The following NUBPL variants were observed in gnomAD, a reference collection of about 807,000 sequenced individuals.
NUBPL encodes iron-sulfur cluster transfer protein NUBPL.
A neutral mutation model predicts 45.7 loss-of-function variants in NUBPL; 31 were observed. That is an observed-to-expected ratio of 0.68 (90% CI 0.51 to 0.92). NUBPL has a LOEUF of 0.92. NUBPL is among the 40% of genes least tolerant of loss of function. The pLI is 0.00. For synonymous variants in NUBPL, 144 were observed against 140.9 expected, an observed-to-expected ratio of 1.02 and a Z score of -0.15; for missense variants, 401 against 398.7, an observed-to-expected ratio of 1.01 and a Z score of -0.05.
In NUBPL at chr14:31,637,676, G is replaced by A. The variant is rs565495165; in HGVS notation, c.383-35679G>A. Among the ~76,000 whole-genome samples the A allele has an allele frequency of 7.9e-4, 120 of 152,300 alleles. 4 individuals carry two copies. The South Asian group carries it at 0.023, about 30-fold the overall frequency. On this transcript the variant is annotated intron_variant, in intron 4 of 10. Coordinates refer to ENST00000281081, the MANE Select transcript of NUBPL (RefSeq NM_025152.3). ...TTTCTGTCTCATTGATCTGTCTAAT[G>A]TTGACAGTGGGAAGTTAGAGTCTCC...
chr14:31,715,654 A>G (rs2037671216), intron 6 of NUBPL, among the ~76,000 whole-genome samples: 2 of 152,248 alleles, frequency 1.3e-5, no homozygotes, highest in African/African-American at 2.4e-5. Context: ...GCCCCTGTGT[A>G]GGGCACTTAC....
At chr14:31,834,254 C>G (rs771452699) in intron 8 of NUBPL, among the ~76,000 whole-genome samples, 1 of 136,668 alleles carries the variant, frequency 7.3e-6, no homozygotes, top group Non-Finnish European at 1.5e-5. Flanking sequence ...AATCTTGGCT[C>G]ACTGCAACCT....
intron 4 of NUBPL, among the ~76,000 whole-genome samples, chr14:31,620,962 C>T (rs1023430565): frequency 6.6e-5 from 10 of 152,208 alleles, no homozygotes; most frequent in African/African-American, 2.2e-4. Flanking sequence ...TGCTGCCTTT[C>T]TTTCAGAGAT....
rs1028055970 is a variant in NUBPL, at chr14:31,860,361, A to G, written c.*1181A>G. ...AGATGCAATATTTAGCATTTCCTCA[A>G]ACTTTTTTTGGCCATGAAATCCACC... On this transcript the variant is annotated 3_prime_UTR_variant, in exon 11 of 11. Transcript: ENST00000281081. 2.0e-5 allele frequency: 3 copies of G among 151,096 alleles called. No homozygotes were observed. The South Asian group carries it at 6.3e-4, about 32-fold the overall frequency. The allele number at this position is 151,096 out of a possible 1,614,324, so 9.4% of individuals were successfully genotyped here.
intron 3 of NUBPL, among the ~76,000 whole-genome samples, chr14:31,583,188 G>A (rs1017487387): frequency 2.6e-5 from 4 of 152,164 alleles, no homozygotes; most frequent in African/African-American, 9.7e-5. Context: ...TATAACATAG[G>A]CAGTAGTAAA....
chr14:31,701,244 T>C, intron 6 of NUBPL, among the ~76,000 whole-genome samples: 1 of 151,734 alleles, frequency 6.6e-6, no homozygotes, highest in Non-Finnish European at 1.5e-5. Flanking sequence ...CAGTGCTCTG[T>C]ATCTAGCTCA....
intron 8 of NUBPL, among the ~76,000 whole-genome samples, chr14:31,829,484 G>T (rs1291154646): frequency 2.6e-5 from 4 of 152,150 alleles, no homozygotes; most frequent in African/African-American, 9.7e-5. Context: ...GCTATGAGTG[G>T]GAAGTGGATT....
chr14:31,570,255 A>G (rs11626320), intron 3 of NUBPL, among the ~76,000 whole-genome samples: 45,933 of 152,050 alleles, frequency 0.3, 7,671 homozygotes, highest in South Asian at 0.41. Flanking sequence ...TATATAGTTG[A>G]AATTGGTTTA....
At chr14:31,757,771 A>G (rs972817434) in intron 6 of NUBPL, among the ~76,000 whole-genome samples, 22 of 152,282 alleles carry the variant, frequency 1.4e-4, no homozygotes, top group Non-Finnish European at 2.6e-4. Flanking sequence ...TGTAAAACAA[A>G]ACAGAAGCCA....
At chr14:31,839,569 G>C (rs1018185955) in intron 8 of NUBPL, among the ~76,000 whole-genome samples, 17 of 152,048 alleles carry the variant, frequency 1.1e-4, no homozygotes, top group Non-Finnish European at 1.8e-4. Context: ...TATTTTTCTG[G>C]ATAGACAAAA....
intron 7 of NUBPL, among the ~76,000 whole-genome samples, chr14:31,793,830 T>TTTTC (rs992868777): frequency 7.6e-6 from 1 of 131,632 alleles, no homozygotes; most frequent in Non-Finnish European, 1.5e-5. Flanking sequence ...TTATCTTTCT[T>TTTTC]TTTTTTTTTT....
intron 6 of NUBPL, among the ~76,000 whole-genome samples, chr14:31,757,443 T>C (rs146068339): frequency 0.011 from 1,625 of 152,058 alleles, 28 homozygotes; most frequent in African/African-American, 0.037. Flanking sequence ...GGTGTATATG[T>C]TGAGGAATTT....
At chr14:31,602,956 G>C (rs1039921918) in intron 4 of NUBPL, among the ~76,000 whole-genome samples, 1 of 152,012 alleles carries the variant, frequency 6.6e-6, no homozygotes, top group Non-Finnish European at 1.5e-5. Context: ...TACTGCTGTT[G>C]TTATTGCATT....
At chr14:31,696,841 A>G (rs1339486285) in intron 6 of NUBPL, among the ~76,000 whole-genome samples, 1 of 152,242 alleles carries the variant, frequency 6.6e-6, no homozygotes, top group East Asian at 1.9e-4. Context: ...ATAAAAGTTT[A>G]ACAACAGATT....
intron 4 of NUBPL, among the ~76,000 whole-genome samples, chr14:31,611,562 A>T (rs899881886): frequency 1.3e-5 from 2 of 152,228 alleles, no homozygotes; most frequent in African/African-American, 4.8e-5. Flanking sequence ...ATGGAAATAG[A>T]AAAACAATTC....
chr14:31,581,314 C>A (rs768429866), intron 3 of NUBPL, among the ~76,000 whole-genome samples: 2 of 149,092 alleles, frequency 1.3e-5, no homozygotes, highest in Non-Finnish European at 3.0e-5. Flanking sequence ...CGTTGTGTAA[C>A]CATCCTCACT....
chr14:31,608,811 G>A (rs2034673725), intron 4 of NUBPL, among the ~76,000 whole-genome samples: 1 of 152,122 alleles, frequency 6.6e-6, no homozygotes, highest in Non-Finnish European at 1.5e-5. Flanking sequence ...CTGCTGTGTG[G>A]CCCAGTTTCT....
intron 3 of NUBPL, among the ~76,000 whole-genome samples, chr14:31,591,010 A>G (rs2034127768): frequency 6.6e-6 from 1 of 151,334 alleles, no homozygotes; most frequent in African/African-American, 2.5e-5. Flanking sequence ...TTCTTGTTAA[A>G]GAAGAAGTTG....
chr14:31,638,411 T>G (rs1399015890), intron 4 of NUBPL, among the ~76,000 whole-genome samples: 1 of 151,874 alleles, frequency 6.6e-6, no homozygotes, highest in Admixed American at 6.6e-5. Context: ...ATGTTGAATA[T>G]TGGCCCCCAC....
Sources: gnomAD v4.1 joint callset for allele counts (sites outside exome capture counted in the v4.1 genomes callset) on GRCh38, gnomAD v4.1.1 for gene constraint, MANE v1.5 for transcripts, NCBI Gene and HGNC (gene_info 2026-07-23, HGNC 2026-07-21) for gene names.